The following NRG1 variants were observed in gnomAD, a reference collection of about 807,000 sequenced individuals.
The protein encoded by NRG1 is neuregulin 1.
Under a neutral mutation model 63.8 loss-of-function variants are expected in NRG1, and 18 were observed. The observed-to-expected ratio is 0.28, with a 90% CI of 0.19 to 0.42. The LOEUF is 0.42. Ranked by LOEUF, NRG1 falls within the 10% of genes least tolerant of loss-of-function variation. The probability of loss-of-function intolerance (pLI) is 1.00; values close to 1 mark genes in which losing one functional copy is unlikely to be tolerated. For missense variants in NRG1, 762 were observed against 814.7 expected, an observed-to-expected ratio of 0.94 and a Z score of 0.79; for synonymous variants, 302 against 301.3, an observed-to-expected ratio of 1.00 and a Z score of -0.02.
rs555093600 is a variant in NRG1 at position 31,641,412 on chromosome 8, C to G, written c.37+1981C>G. On this transcript the variant is annotated intron_variant, in intron 1 of 10. Coordinates refer to the NRG1 transcript ENST00000519301. ...GTTTGGAGGATGTTTTTGCACTTCACTGCATCAGAACAGATGAACGAAATT... is the reference window on the plus strand; with the variant it reads ...GTTTGGAGGATGTTTTTGCACTTCAGTGCATCAGAACAGATGAACGAAATT... 7.2e-5 allele frequency among the ~76,000 whole-genome samples: 11 copies of G among 151,948 alleles called. No homozygotes were observed. In the East Asian group the frequency reaches 2.1e-3, roughly 30 times the overall value.
intron 1 of NRG1, among the ~76,000 whole-genome samples, chr8:32,095,620 A>T (rs1224918244): frequency 6.6e-6 from 1 of 152,164 alleles, no homozygotes; most frequent in East Asian, 1.9e-4. Context: ...GAAAGAATAA[A>T]TAACTCTATG....
At chr8:31,832,249 G>GTTTTTTTTTTTTTTTT (rs5890599) in intron 1 of NRG1, among the ~76,000 whole-genome samples, 1 of 136,142 alleles carries the variant, frequency 7.3e-6, no homozygotes, top group Non-Finnish European at 1.6e-5. Flanking sequence ...AAATGCTCTA[G>GTTTTTTTTTTTTTTTT]TTTTTTTTTT....
At chr8:32,674,728 T>A (rs1345018943) in intron 5 of NRG1, among the ~76,000 whole-genome samples, 2 of 152,206 alleles carry the variant, frequency 1.3e-5, no homozygotes, top group Non-Finnish European at 2.9e-5. Flanking sequence ...TTTAATTTCT[T>A]AGAATTATGG....
At position 32,057,629 on chromosome 8, in the gene NRG1, A is replaced by T. The variant is rs578064392; in HGVS notation, c.37+418198A>T. ...TTTTGTAAACTTTTAACTTCAAGAG[A>T]CTGGTTTAATAAACATGCCCTGTCT... On this transcript the variant is annotated intron_variant, in intron 1 of 10. Coordinates refer to the NRG1 transcript ENST00000519301. 3.3e-5 allele frequency among the ~76,000 whole-genome samples: 5 copies of T among 152,252 alleles called. No individual in the cohort carries two copies. In the East Asian group the frequency reaches 7.7e-4, roughly 23 times the overall value.
chr8:32,236,644 T>A lies in NRG1; in HGVS notation c.38-359184T>A, dbSNP rs147390518. Reference sequence around the variant, plus strand: ...TGTTTTCTTTGTCTCAGCTTACTCGTTGCTCAAAAAAAAGAAACATTTCAG... The same window carrying A: ...TGTTTTCTTTGTCTCAGCTTACTCGATGCTCAAAAAAAAGAAACATTTCAG... On this transcript the variant is annotated intron_variant, in intron 1 of 10. Transcript: ENST00000519301. 4.6e-3 allele frequency among the ~76,000 whole-genome samples: 693 copies of A among 152,260 alleles called. 4 individuals are homozygous for A. The highest frequency in any genetic ancestry group is 8.1e-3 in the Non-Finnish European group (549 of 68,026).
chr8:31,704,588 T>C (rs1208528258), intron 1 of NRG1, among the ~76,000 whole-genome samples: 1 of 152,056 alleles, frequency 6.6e-6, no homozygotes, highest in Non-Finnish European at 1.5e-5. Context: ...ATCCCAGCAC[T>C]TTGGGAGGCT....
rs111977984 is a variant in NRG1 at position 32,640,245 on chromosome 8, T to TCACACACACACA, written c.502+23378_502+23389dup. On this transcript the variant is annotated intron_variant, in intron 5 of 11. Coordinates refer to ENST00000356819, the Ensembl canonical transcript of NRG1. ...TTTCTTTTGTTTTTTCTTCTTTTTG[T>TCACACACACACA]CACACACACACACACACACACACAC... Among the ~76,000 whole-genome samples, 1,147 of 147,628 alleles carry TCACACACACACA rather than the reference T, an allele frequency of 7.8e-3. 9 individuals carry two copies. Among genetic ancestry groups the TCACACACACACA allele is most frequent in the African/African-American group, 0.019 (774 of 40,066 alleles).
chr8:32,293,871 A>G (rs1373224051), intron 1 of NRG1, among the ~76,000 whole-genome samples: 7 of 151,960 alleles, frequency 4.6e-5, no homozygotes, highest in Non-Finnish European at 7.4e-5. Context: ...GGCAACTGCT[A>G]TCATGCCCAG....
intron 1 of NRG1, among the ~76,000 whole-genome samples, chr8:32,464,955 A>T (rs1418247965): frequency 6.6e-6 from 1 of 152,070 alleles, no homozygotes; most frequent in African/African-American, 2.4e-5. Flanking sequence ...TGGGTGGATC[A>T]CTTGAGGCCA....
intron 1 of NRG1, among the ~76,000 whole-genome samples, chr8:31,839,892 C>T (rs568397126): frequency 6.6e-6 from 1 of 152,152 alleles, no homozygotes; most frequent in East Asian, 1.9e-4. Context: ...AGGATTGTGG[C>T]CCTCTGGAGA....
chr8:32,095,879 G>A (rs1340911471), intron 1 of NRG1, among the ~76,000 whole-genome samples: 10 of 152,164 alleles, frequency 6.6e-5, no homozygotes. Context: ...AAAAGATATA[G>A]AAGCCTGAGG....
At chr8:32,732,134 A>G (rs1278798967) in intron 6 of NRG1, among the ~76,000 whole-genome samples, 1 of 152,182 alleles carries the variant, frequency 6.6e-6, no homozygotes, top group Non-Finnish European at 1.5e-5. Context: ...ACTGTGTGGG[A>G]ATTTCAGTGG....
intron 1 of NRG1, among the ~76,000 whole-genome samples, chr8:32,328,161 G>A (rs973148814): frequency 3.9e-5 from 6 of 152,058 alleles, no homozygotes; most frequent in Non-Finnish European, 7.4e-5. Context: ...TAATAATATC[G>A]CACTCACATT....
At chr8:32,608,490 C>T (rs770436189) in intron 3 of NRG1, among the ~76,000 whole-genome samples, 1 of 152,026 alleles carries the variant, frequency 6.6e-6, no homozygotes, top group Non-Finnish European at 1.5e-5. Context: ...AGGTGTGAGC[C>T]GCTGCGCCCA....
At chr8:31,973,961 G>A (rs563948592) in intron 1 of NRG1, among the ~76,000 whole-genome samples, 1 of 152,260 alleles carries the variant, frequency 6.6e-6, no homozygotes, top group Admixed American at 6.5e-5. Flanking sequence ...GAGAATCATG[G>A]GTGGGCTGTG....
At chr8:32,335,112 G>A (rs1803098811) in intron 1 of NRG1, among the ~76,000 whole-genome samples, 1 of 152,112 alleles carries the variant, frequency 6.6e-6, no homozygotes, top group South Asian at 2.1e-4. Context: ...TTAAACTGAA[G>A]TGGTAAAGCA....
chr8:32,377,137 G>A (rs1354572544), intron 1 of NRG1, among the ~76,000 whole-genome samples: 2 of 152,208 alleles, frequency 1.3e-5, no homozygotes, highest in Non-Finnish European at 2.9e-5. Context: ...GGAAGAATTA[G>A]CCCAGTGCAC....
intron 1 of NRG1, among the ~76,000 whole-genome samples, chr8:31,650,310 A>G (rs1245537453): frequency 2.0e-5 from 3 of 152,088 alleles, no homozygotes; most frequent in South Asian, 2.1e-4. Flanking sequence ...CTTGTTCCCT[A>G]CTTAGAAAGT....
At chr8:32,073,419 G>A (rs912611216) in intron 1 of NRG1, among the ~76,000 whole-genome samples, 3 of 152,006 alleles carry the variant, frequency 2.0e-5, no homozygotes, top group Non-Finnish European at 4.4e-5. Flanking sequence ...AAAAGTCCTG[G>A]CAGATTTCTC....
Sources: allele counts gnomAD v4.1 joint callset (sites outside exome capture counted in the v4.1 genomes callset), GRCh38; gene constraint gnomAD v4.1.1; transcripts MANE v1.5; gene names NCBI Gene and HGNC (gene_info 2026-07-23, HGNC 2026-07-21).